AKAP19: variants seen among roughly 807,000 people sequenced by gnomAD.
AKAP19 encodes A-kinase anchoring protein 19, also known as small A-kinase anchoring protein.
the AKAP19 span, among the ~76,000 whole-genome samples, chr2:190,145,345 T>A: frequency 6.6e-6 from 1 of 152,328 alleles, no homozygotes; most frequent in South Asian, 2.1e-4. Context: ...ATTGTATAGA[T>A]ACACTGTGAT....
chr2:190,000,006 G>T, the AKAP19 span, among the ~76,000 whole-genome samples: 1 of 152,136 alleles, frequency 6.6e-6, no homozygotes, highest in Non-Finnish European at 1.5e-5. Flanking sequence ...ATTTGCTCAC[G>T]GAATCTAAAT....
At chr2:189,995,107 G>T in the AKAP19 span, among the ~76,000 whole-genome samples, 4 of 152,094 alleles carry the variant, frequency 2.6e-5, no homozygotes, top group African/African-American at 9.7e-5. Context: ...TGTGGTTGTT[G>T]GTTAGAATGT....
the AKAP19 span, among the ~76,000 whole-genome samples, chr2:189,936,263 C>A: frequency 1.4e-5 from 2 of 146,804 alleles, no homozygotes; most frequent in African/African-American, 5.3e-5. Flanking sequence ...TGTTGATACA[C>A]ACACACACAC....
At chr2:189,967,212 G>A in the AKAP19 span, among the ~76,000 whole-genome samples, 1 of 152,164 alleles carries the variant, frequency 6.6e-6, no homozygotes, top group Admixed American at 6.5e-5. Flanking sequence ...CACCGTGGGT[G>A]GCAGAGAAAC....
the AKAP19 span, among the ~76,000 whole-genome samples, chr2:189,894,230 A>G: frequency 1.3e-5 from 2 of 152,246 alleles, no homozygotes; most frequent in African/African-American, 4.8e-5. Context: ...ACTTATATAC[A>G]GAATCTTTGA....
At chr2:189,979,967 G>A in the AKAP19 span, among the ~76,000 whole-genome samples, 1 of 152,192 alleles carries the variant, frequency 6.6e-6, no homozygotes, top group Non-Finnish European at 1.5e-5. Context: ...TACACTGCTG[G>A]TAGGAATGTA....
the AKAP19 span, among the ~76,000 whole-genome samples, chr2:190,110,902 G>A: frequency 9.9e-5 from 15 of 152,200 alleles, no homozygotes; most frequent in African/African-American, 3.1e-4. Flanking sequence ...AATGTAGGGC[G>A]CTGTCATTGT....
the AKAP19 span, among the ~76,000 whole-genome samples, chr2:190,038,940 C>T: frequency 1.4e-5 from 2 of 143,446 alleles, no homozygotes; most frequent in African/African-American, 5.5e-5. Flanking sequence ...TCTTCTTCTT[C>T]TTCTTCTTCT....
At chr2:190,016,010 A>G in the AKAP19 span, among the ~76,000 whole-genome samples, 3 of 152,316 alleles carry the variant, frequency 2.0e-5, no homozygotes, top group South Asian at 2.1e-4. Context: ...CATCATCAGC[A>G]TTTTGGTCAA....
At chr2:190,084,024 T>C in the AKAP19 span, among the ~76,000 whole-genome samples, 1 of 151,806 alleles carries the variant, frequency 6.6e-6, no homozygotes, top group Non-Finnish European at 1.5e-5. Flanking sequence ...TAGAGTCAAA[T>C]GGTTAAATTT....
the AKAP19 span, among the ~76,000 whole-genome samples, chr2:190,129,535 G>A: frequency 1.3e-5 from 2 of 151,424 alleles, no homozygotes; most frequent in African/African-American, 2.4e-5. Context: ...CAGCTCACAG[G>A]TGTCCACACA....
At chr2:189,983,411 C>G in the AKAP19 span, among the ~76,000 whole-genome samples, 1 of 152,130 alleles carries the variant, frequency 6.6e-6, no homozygotes, top group Non-Finnish European at 1.5e-5. Flanking sequence ...TTTGTGGAAG[C>G]CTAAGCTACC....
chr2:189,920,245 G>A, the AKAP19 span, among the ~76,000 whole-genome samples: 1 of 152,116 alleles, frequency 6.6e-6, no homozygotes, highest in South Asian at 2.1e-4. Flanking sequence ...GACTGATATG[G>A]CAGTTTGAAG....
the AKAP19 span, among the ~76,000 whole-genome samples, chr2:190,154,722 T>A: frequency 6.6e-6 from 1 of 152,194 alleles, no homozygotes; most frequent in African/African-American, 2.4e-5. Context: ...AAAATTCACA[T>A]CTAACTATGT....
the AKAP19 span, among the ~76,000 whole-genome samples, chr2:190,173,965 G>GTCCTTAGTCACCTGCTCTGTCCTTAGTCA: frequency 4.6e-5 from 7 of 152,034 alleles, no homozygotes; most frequent in African/African-American, 1.2e-4. Flanking sequence ...CACCTGCTCT[G>GTCCTTAGTCACCTGCTCTGTCCTTAGTCA]TCCTTAGTCA....
the AKAP19 span, among the ~76,000 whole-genome samples, chr2:189,953,112 C>T: frequency 4.9e-5 from 1 of 20,518 alleles, no homozygotes; most frequent in Non-Finnish European, 1.1e-4. Context: ...ACATCCCTGG[C>T]CAGATTTTTG....
At chr2:189,896,183 G>A in the AKAP19 span, among the ~76,000 whole-genome samples, 1 of 151,946 alleles carries the variant, frequency 6.6e-6, no homozygotes. Flanking sequence ...TTCAATCATA[G>A]TAAAATTTTA....
At chr2:189,952,634 T>G in the AKAP19 span, among the ~76,000 whole-genome samples, 2 of 152,210 alleles carry the variant, frequency 1.3e-5, no homozygotes, top group Admixed American at 1.3e-4. Context: ...CGTTTCAATA[T>G]CTAAAAATAT....
At chr2:189,965,619 A>G in the AKAP19 span, among the ~76,000 whole-genome samples, 1 of 150,470 alleles carries the variant, frequency 6.6e-6, no homozygotes, top group Non-Finnish European at 1.5e-5. Flanking sequence ...CTCCTGCAAC[A>G]GTGGCCACAA....
Sources: gnomAD v4.1 joint callset for allele counts (sites outside exome capture counted in the v4.1 genomes callset) on GRCh38, gnomAD v4.1.1 for gene constraint, MANE v1.5 for transcripts, NCBI Gene and HGNC (gene_info 2026-07-23, HGNC 2026-07-21) for gene names.